Variants in C19orf38 observed in about 807,000 individuals in gnomAD.
The protein encoded by C19orf38 is chromosome 19 open reading frame 38.
Under a neutral mutation model 26.6 loss-of-function variants are expected in C19orf38, and 14 were observed. That is an observed-to-expected ratio of 0.53 (90% confidence interval 0.35 to 0.82). The LOEUF (loss-of-function observed/expected upper bound fraction) is 0.82. Among genes scored for constraint, C19orf38 ranks in the 40% least tolerant of loss-of-function variants. The pLI is 0.01. For synonymous variants in C19orf38, 132 were observed against 128.5 expected (o/e 1.03, Z -0.18); for missense variants, 261 against 299.5 (o/e 0.87, Z 0.95).
intron 4 of C19orf38, among the ~76,000 whole-genome samples, chr19:10,859,370 ATATATATATATATATT>A (rs781086425): frequency 0.26 from 20,536 of 77,536 alleles, 2,566 homozygotes; most frequent in Middle Eastern, 0.35. Flanking sequence ...ATATATATAT[ATATATATATATATATT>A]TTTTTTTTTT....
chr19:10,846,430 A>G (rs375033118), upstream of C19orf38, among the ~76,000 whole-genome samples: 35 of 152,170 alleles, frequency 2.3e-4, 1 homozygote, highest in African/African-American at 7.7e-4. Context: ...CTATTAATAC[A>G]AATTTCTGCT....
intron 6 of C19orf38, among the ~76,000 whole-genome samples, chr19:10,866,357 A>ATTTTTTTT (rs71164128): frequency 2.4e-5 from 3 of 125,648 alleles, no homozygotes; most frequent in Non-Finnish European, 1.7e-5. Flanking sequence ...TGCCCAGCTA[A>ATTTTTTTT]TTTTTTTTTT....
chr19:10,844,550 A>T (rs963996543), upstream of C19orf38, among the ~76,000 whole-genome samples: 54 of 142,902 alleles, frequency 3.8e-4, no homozygotes, highest in Non-Finnish European at 7.0e-4. Context: ...GTCTCTGTTT[A>T]AAAAAAAAAA....
At position 10,850,132 on chromosome 19, in the gene C19orf38, G is replaced by A. The variant is rs2073554419; in HGVS notation, c.32-127G>A. Reference sequence around the variant, plus strand: ...CATGTGCCAGGCAGTGTGGGGTAGGGTCACTAGCCTCCTGACTCACAGAAA... The same window carrying A: ...CATGTGCCAGGCAGTGTGGGGTAGGATCACTAGCCTCCTGACTCACAGAAA... On this transcript the variant is annotated intron_variant, in intron 1 of 6. Transcript: ENST00000397820. 1.6e-5 allele frequency: 14 copies of A among 860,476 alleles called. No individual in the cohort carries two copies. The South Asian group carries it at 2.0e-4, about 12-fold the overall frequency. The allele number at this position is 860,476 out of a possible 1,614,324, so 53.3% of individuals were successfully genotyped here.
At chr19:10,844,716 C>T (rs1256566946), upstream of C19orf38, among the ~76,000 whole-genome samples, 1 of 151,284 alleles carries the variant, frequency 6.6e-6, no homozygotes, top group Non-Finnish European at 1.5e-5. Context: ...GGCGTGGTGG[C>T]GGTTGCCTGT....
At chr19:10,841,510 C>T (rs986199368) in intron 1 of C19orf38, among the ~76,000 whole-genome samples, 7 of 151,994 alleles carry the variant, frequency 4.6e-5, no homozygotes, top group African/African-American at 1.7e-4. Context: ...TACCCTCTCG[C>T]GGCCGGGCAC....
chr19:10,857,894 A>G (rs201449772), intron 3 of C19orf38, among the ~76,000 whole-genome samples: 1 of 142,526 alleles, frequency 7.0e-6, no homozygotes, highest in South Asian at 2.3e-4. Flanking sequence ...AAACAACAAA[A>G]AAAGAAAGAA....
At chr19:10,867,719 C>T (rs1469317885) in intron 6 of C19orf38, among the ~76,000 whole-genome samples, 2 of 113,746 alleles carry the variant, frequency 1.8e-5, no homozygotes, top group Non-Finnish European at 3.3e-5. Context: ...GTGGTGTGAT[C>T]TCGGCTCACT....
Position 10,869,393 on chromosome 19 carries a change from T to G in C19orf38, c.*26T>G. On this transcript the variant is annotated 3_prime_UTR_variant, in exon 7 of 7. Coordinates refer to ENST00000397820, the MANE Select transcript of C19orf38 (RefSeq NM_001136482.3). ...GGCTGAGGACTGGGGGACCCCTCTG[T>G]CTCCAGGCATTCGGGGGCCTGAGGT... is the stretch of plus-strand genomic sequence containing the variant. 1 of 1,525,914 alleles carries G rather than the reference T, an allele frequency of 6.6e-7. No individual in the cohort carries two copies. Among genetic ancestry groups the G allele is most frequent in the Non-Finnish European group, 8.8e-7 (1 of 1,136,142 alleles). The allele number at this position is 1,525,914 out of a possible 1,614,324, so 94.5% of individuals were successfully genotyped here.
intron 2 of C19orf38, among the ~76,000 whole-genome samples, chr19:10,853,875 C>A (rs1381194042): frequency 6.7e-6 from 1 of 149,598 alleles, no homozygotes; most frequent in Non-Finnish European, 1.5e-5. Flanking sequence ...AGATTACAGG[C>A]GTGAGCTACC....
intron 6 of C19orf38, among the ~76,000 whole-genome samples, chr19:10,867,793 C>T (rs1169696421): frequency 6.6e-6 from 1 of 151,202 alleles, no homozygotes; most frequent in African/African-American, 2.4e-5. Context: ...GCTGGGATTA[C>T]AGGCGCCTGC....
upstream of C19orf38, among the ~76,000 whole-genome samples, chr19:10,844,616 G>C (rs1568332127): frequency 6.6e-6 from 1 of 151,992 alleles, no homozygotes; most frequent in African/African-American, 2.4e-5. Flanking sequence ...GGGAGGCTGA[G>C]GCGGGCAGAT....
upstream of C19orf38, chr19:10,848,380 T>G: frequency 3.0e-6 from 3 of 1,003,590 alleles, no homozygotes; most frequent in Middle Eastern, 2.1e-4. Flanking sequence ...TTCCTGCCAG[T>G]GAGGAAACTC....
upstream of C19orf38, chr19:10,848,308 G>T (rs1489265203): frequency 6.8e-6 from 4 of 587,228 alleles, no homozygotes; most frequent in Non-Finnish European, 1.2e-5. Context: ...TCTGATGTGT[G>T]TTTGGGGAAG....
chr19:10,859,364 ATATATATATATATATATATAT>A (rs1426275880), intron 4 of C19orf38, among the ~76,000 whole-genome samples: 3 of 43,774 alleles, frequency 6.9e-5, no homozygotes, highest in African/African-American at 4.2e-4. Flanking sequence ...ATATATATAT[ATATATATATATATATATATAT>A]TTTTTTTTTT....
intron 2 of C19orf38, among the ~76,000 whole-genome samples, chr19:10,855,358 G>C (rs754214852): frequency 1.3e-5 from 2 of 151,806 alleles, no homozygotes; most frequent in Non-Finnish European, 2.9e-5. Flanking sequence ...TGTTTCTTCA[G>C]ATGGGGTCTC....
intron 2 of C19orf38, among the ~76,000 whole-genome samples, chr19:10,854,222 C>T (rs1281729033): frequency 6.6e-6 from 1 of 151,770 alleles, no homozygotes; most frequent in African/African-American, 2.4e-5. Context: ...ACCACCACAC[C>T]CTGCTAATTT....
chr19:10,850,222 C>A, intron 1 of C19orf38, 37 bp from the exon 2 acceptor site: 1 of 1,512,346 alleles, frequency 6.6e-7, no homozygotes, highest in South Asian at 1.2e-5. Flanking sequence ...CCTCCACTCT[C>A]ACCACGCACC....
chr19:10,837,881 T>A (rs1365307699), intron 1 of C19orf38, among the ~76,000 whole-genome samples: 1 of 151,758 alleles, frequency 6.6e-6, no homozygotes, highest in Non-Finnish European at 1.5e-5. Flanking sequence ...CTCACTGCAA[T>A]CTCTACCTCC....
Sources: gnomAD v4.1 joint callset for allele counts (sites outside exome capture counted in the v4.1 genomes callset) on GRCh38, gnomAD v4.1.1 for gene constraint, MANE v1.5 for transcripts, NCBI Gene and HGNC (gene_info 2026-07-23, HGNC 2026-07-21) for gene names.